AFF2: variants seen among roughly 807,000 people sequenced by gnomAD.
AFF2 encodes the protein ALF transcription elongation factor 2, also known as AF4/FMR2 family member 2.
In AFF2, 14 loss-of-function variants were observed where a neutral mutation model predicts 76.9. The observed-to-expected ratio is 0.18, with a 90% CI of 0.12 to 0.28. The LOEUF (loss-of-function observed/expected upper bound fraction) is 0.28, where lower values mean the gene tolerates loss of function less well. Ranked by LOEUF, AFF2 falls within the 10% of genes least tolerant of loss-of-function variation. The probability of loss-of-function intolerance (pLI) is 1.00; values close to 1 mark genes in which losing one functional copy is unlikely to be tolerated. For missense variants in AFF2, 868 were observed against 1,001.1 expected, an observed-to-expected ratio of 0.87 and a Z score of 1.79; for synonymous variants, 398 against 366.7, an observed-to-expected ratio of 1.09 and a Z score of -0.98.
At chrX:148,672,503 G>A (rs2054435994) in intron 3 of AFF2, among the ~76,000 whole-genome samples, 1 of 111,864 alleles carries the variant, frequency 8.9e-6, no homozygotes, top group Admixed American at 9.5e-5. Context: ...TTGGTGTATG[G>A]TGTGCTACTG....
At chrX:148,852,983 C>T (rs2070748588) in intron 7 of AFF2, among the ~76,000 whole-genome samples, 3 of 111,209 alleles carry the variant, frequency 2.7e-5, no homozygotes, top group South Asian at 7.6e-4. Context: ...AAGGAAATTT[C>T]GTCCCAGAAC....
intron 3 of AFF2, among the ~76,000 whole-genome samples, chrX:148,684,897 A>G (rs1304487774): frequency 2.7e-5 from 3 of 112,478 alleles, no homozygotes; most frequent in Non-Finnish European, 1.9e-5. Flanking sequence ...GTTTTTTCAC[A>G]GGTATTATCT....
chrX:148,777,226 G>C (rs1557268653), intron 3 of AFF2, among the ~76,000 whole-genome samples: 1 of 111,497 alleles, frequency 9.0e-6, no homozygotes, highest in Non-Finnish European at 1.9e-5. Flanking sequence ...TATCTGTTTT[G>C]GTACCAGTAC....
At chrX:148,517,647 A>G (rs781926804) in intron 1 of AFF2, among the ~76,000 whole-genome samples, 2 of 111,855 alleles carry the variant, frequency 1.8e-5, no homozygotes, top group South Asian at 3.7e-4. Context: ...GTACTGCACT[A>G]TTGATTAGTT....
At chrX:148,719,229 A>G in intron 3 of AFF2, 1 of 1,144,779 alleles carries the variant, frequency 8.7e-7, no homozygotes, top group Non-Finnish European at 1.2e-6. Flanking sequence ...CTTCAAGATG[A>G]AGGTAGGCAA....
At chrX:148,886,994 A>G (rs193105086) in intron 8 of AFF2, among the ~76,000 whole-genome samples, 10 of 112,998 alleles carry the variant, frequency 8.8e-5, no homozygotes, top group African/African-American at 1.3e-4. Flanking sequence ...TGTTTACCAC[A>G]CTAGAACTCC....
chrX:148,934,809 A>G (rs1440051455), intron 9 of AFF2, among the ~76,000 whole-genome samples: 3 of 111,814 alleles, frequency 2.7e-5, no homozygotes, highest in Non-Finnish European at 5.6e-5. Flanking sequence ...TATCACCATC[A>G]CCATCACCAT....
chrX:148,703,996 A>G (rs2124517508), intron 3 of AFF2, among the ~76,000 whole-genome samples: 1 of 107,093 alleles, frequency 9.3e-6, no homozygotes, highest in Non-Finnish European at 1.9e-5. Context: ...CCTGGGCTCA[A>G]ATGATCCTTG....
chrX:148,630,929 A>G (rs1320000858), intron 1 of AFF2, among the ~76,000 whole-genome samples: 3 of 112,224 alleles, frequency 2.7e-5, no homozygotes, highest in African/African-American at 9.7e-5. Flanking sequence ...TAAGGAAATC[A>G]AGGTCATTTG....
chrX:148,629,501 T>A (rs1196323568), intron 1 of AFF2, among the ~76,000 whole-genome samples: 2 of 111,965 alleles, frequency 1.8e-5, no homozygotes, highest in African/African-American at 6.5e-5. Flanking sequence ...TCATTATGTA[T>A]TTTTTAAGAC....
At chrX:148,717,199 G>A (rs1291157400) in intron 3 of AFF2, among the ~76,000 whole-genome samples, 1 of 111,724 alleles carries the variant, frequency 9.0e-6, no homozygotes, top group African/African-American at 3.3e-5. Context: ...ACAAAATATG[G>A]TCTATCCATA....
intron 3 of AFF2, among the ~76,000 whole-genome samples, chrX:148,705,187 A>G (rs1438339079): frequency 8.9e-6 from 1 of 112,033 alleles, no homozygotes; most frequent in Non-Finnish European, 1.9e-5. Context: ...TAGATCATTT[A>G]TTATATTCAT....
chrX:148,734,605 C>T (rs1557264952), intron 3 of AFF2, among the ~76,000 whole-genome samples: 1 of 111,608 alleles, frequency 9.0e-6, no homozygotes, highest in Non-Finnish European at 1.9e-5. Context: ...TCTTGTTTGT[C>T]TTAGGCTAAC....
At chrX:148,837,067 A>G (rs946042689) in intron 4 of AFF2, among the ~76,000 whole-genome samples, 13 of 112,074 alleles carry the variant, frequency 1.2e-4, no homozygotes, top group African/African-American at 4.2e-4. Flanking sequence ...AGGCAGCGAC[A>G]GTACTGTCCT....
intron 14 of AFF2, 128 bp downstream of exon 14, chrX:148,967,207 A>C: frequency 1.0e-6 from 1 of 969,906 alleles, no homozygotes; most frequent in Non-Finnish European, 1.4e-6. Context: ...ATACCCTTAA[A>C]AGTCCACCCC....
At chrX:148,917,796 T>C (rs1322617557) in intron 9 of AFF2, among the ~76,000 whole-genome samples, 8 of 112,501 alleles carry the variant, frequency 7.1e-5, no homozygotes. Flanking sequence ...ATGCTTCTCA[T>C]GAATATGTAA....
chrX:148,595,765 G>A (rs1193628770), intron 1 of AFF2, among the ~76,000 whole-genome samples: 6 of 111,645 alleles, frequency 5.4e-5, no homozygotes, highest in Non-Finnish European at 1.1e-4. Flanking sequence ...GGAAGATGGA[G>A]GGATGACAAG....
At chrX:148,776,171 C>T (rs2069664591) in intron 3 of AFF2, among the ~76,000 whole-genome samples, 1 of 111,523 alleles carries the variant, frequency 9.0e-6, no homozygotes, top group Non-Finnish European at 1.9e-5. Flanking sequence ...CATCCATGTC[C>T]CTGCAAAGGA....
chrX:148,838,909 C>T (rs782144674), intron 5 of AFF2, among the ~76,000 whole-genome samples: 12 of 111,991 alleles, frequency 1.1e-4, no homozygotes, highest in Admixed American at 6.6e-4. Context: ...CAGAACTAAA[C>T]GAACAGCTAA....
Sources: allele counts gnomAD v4.1 joint callset (sites outside exome capture counted in the v4.1 genomes callset), GRCh38; gene constraint gnomAD v4.1.1; transcripts MANE v1.5; gene names NCBI Gene and HGNC (gene_info 2026-07-23, HGNC 2026-07-21).